RBFOX1: variants seen among roughly 807,000 people sequenced by gnomAD.
RBFOX1 encodes RNA binding protein fox-1 homolog 1.
Under a neutral mutation model 57.7 loss-of-function variants are expected in RBFOX1, and 8 were observed. The observed-to-expected ratio is 0.14, with a 90% CI of 0.08 to 0.25. The LOEUF (loss-of-function observed/expected upper bound fraction) is 0.25, where lower values mean the gene tolerates loss of function less well. RBFOX1 is among the 10% of genes least tolerant of loss of function. The probability of loss-of-function intolerance (pLI) is 1.00; values close to 1 mark genes in which losing one functional copy is unlikely to be tolerated. For synonymous variants in RBFOX1, 326 were observed against 222.4 expected (o/e 1.47, Z -4.15); for missense variants, 611 against 548.5 (o/e 1.11, Z -1.14).
chr16:6,418,148 G>A (rs2093676490), intron 2 of RBFOX1, among the ~76,000 whole-genome samples: 1 of 152,144 alleles, frequency 6.6e-6, no homozygotes, highest in African/African-American at 2.4e-5. Flanking sequence ...CATGGTTTAT[G>A]CCATTTAACC....
intron 2 of RBFOX1, among the ~76,000 whole-genome samples, chr16:6,622,143 A>ATCATTCAATATC (rs1457743488): frequency 2.0e-5 from 3 of 152,166 alleles, no homozygotes; most frequent in Non-Finnish European, 2.9e-5. Context: ...TTCCTTAAGT[A>ATCATTCAATATC]CTTTATTGAA....
chr16:7,080,743 C>A (rs193269727), intron 4 of RBFOX1, among the ~76,000 whole-genome samples: 2 of 152,232 alleles, frequency 1.3e-5, no homozygotes, highest in East Asian at 1.9e-4. Context: ...ATAGTTCAAC[C>A]CTCTCCATCT....
chr16:6,917,059 C>T (rs984659893), intron 3 of RBFOX1, among the ~76,000 whole-genome samples: 3 of 152,126 alleles, frequency 2.0e-5, no homozygotes, highest in Non-Finnish European at 4.4e-5. Context: ...TGTTGTTGGA[C>T]AGGCTAGTCC....
chr16:6,845,930 C>G (rs1412581578), intron 3 of RBFOX1, among the ~76,000 whole-genome samples: 1 of 152,180 alleles, frequency 6.6e-6, no homozygotes, highest in African/African-American at 2.4e-5. Flanking sequence ...CAAATCTCAA[C>G]CTGCCATGGA....
chr16:7,428,840 G>A (rs982917996), intron 4 of RBFOX1, among the ~76,000 whole-genome samples: 3 of 151,962 alleles, frequency 2.0e-5, no homozygotes, highest in Admixed American at 6.6e-5. Context: ...TTTATAATGG[G>A]AATAATGATA....
At chr16:7,129,856 G>A (rs1358447315) in intron 4 of RBFOX1, among the ~76,000 whole-genome samples, 3 of 150,552 alleles carry the variant, frequency 2.0e-5, no homozygotes, top group Non-Finnish European at 4.4e-5. Flanking sequence ...GTGGGTGGGT[G>A]CATGGATAGA....
chr16:7,499,946 A>G (rs1302948813), intron 4 of RBFOX1, among the ~76,000 whole-genome samples: 1 of 152,076 alleles, frequency 6.6e-6, no homozygotes, highest in African/African-American at 2.4e-5. Context: ...TGATTTACCA[A>G]TAAGGGAAAC....
At chr16:6,857,226 C>T (rs911830612) in intron 3 of RBFOX1, among the ~76,000 whole-genome samples, 3 of 152,132 alleles carry the variant, frequency 2.0e-5, no homozygotes, top group African/African-American at 4.8e-5. Context: ...ATATATAAAT[C>T]ATATTACACA....
intron 4 of RBFOX1, among the ~76,000 whole-genome samples, chr16:7,507,050 T>C (rs1321703816): frequency 6.6e-6 from 1 of 152,200 alleles, no homozygotes; most frequent in Non-Finnish European, 1.5e-5. Flanking sequence ...TTACTATTTA[T>C]ATTTTATGAA....
At chr16:5,955,035 C>G (rs1354440858) in intron 4 of RBFOX1, among the ~76,000 whole-genome samples, 2 of 143,722 alleles carry the variant, frequency 1.4e-5, no homozygotes, top group Non-Finnish European at 3.0e-5. Context: ...AATCCCAGCA[C>G]TTGCGGAGGC....
intron 3 of RBFOX1, among the ~76,000 whole-genome samples, chr16:6,701,357 C>T (rs1237714324): frequency 1.3e-5 from 2 of 152,200 alleles, no homozygotes; most frequent in Non-Finnish European, 2.9e-5. Context: ...ATGCATCTCC[C>T]TGTTTACCAT....
At chr16:6,054,814 ACT>A (rs1422330052) in intron 1 of RBFOX1, among the ~76,000 whole-genome samples, 3 of 151,876 alleles carry the variant, frequency 2.0e-5, no homozygotes, top group Non-Finnish European at 4.4e-5. Context: ...ACAGAGTCTC[ACT>A]CTGTTACCTG....
At chr16:6,940,236 C>T (rs1220859400) in intron 3 of RBFOX1, among the ~76,000 whole-genome samples, 2 of 152,092 alleles carry the variant, frequency 1.3e-5, no homozygotes, top group Admixed American at 6.6e-5. Flanking sequence ...AGGTAGGTTA[C>T]CTCTGGCTAT....
At chr16:5,650,149 A>T (rs896425477) in intron 3 of RBFOX1, among the ~76,000 whole-genome samples, 1 of 152,206 alleles carries the variant, frequency 6.6e-6, no homozygotes, top group East Asian at 1.9e-4. Flanking sequence ...AACAGCCTCC[A>T]GCCCCCACCC....
intron 1 of RBFOX1, chr16:5,289,389 A>G (rs2063480399): frequency 2.6e-6 from 1 of 377,712 alleles, no homozygotes; most frequent in Non-Finnish European, 5.1e-6. Context: ...GAGGGCCCCC[A>G]TATGGGGTGC....
intron 5 of RBFOX1, among the ~76,000 whole-genome samples, chr16:7,566,063 T>G (rs2091614451): frequency 6.6e-6 from 1 of 152,178 alleles, no homozygotes; most frequent in South Asian, 2.1e-4. Flanking sequence ...TGATACAGTG[T>G]TTATCCACGG....
At chr16:6,750,474 G>C (rs1295440862) in intron 3 of RBFOX1, among the ~76,000 whole-genome samples, 1 of 152,192 alleles carries the variant, frequency 6.6e-6, no homozygotes, top group Non-Finnish European at 1.5e-5. Flanking sequence ...TAAAATTCAA[G>C]TTTAATATTT....
intron 3 of RBFOX1, among the ~76,000 whole-genome samples, chr16:6,666,447 G>A (rs2098733302): frequency 6.6e-6 from 1 of 151,382 alleles, no homozygotes; most frequent in Non-Finnish European, 1.5e-5. Flanking sequence ...AGCTGAGTTA[G>A]GAGAATCACT....
Position 6,019,270 on chromosome 16 carries a change from T to G in RBFOX1, c.-849T>G, listed in dbSNP as rs2095023552. 1.2e-5 allele frequency: 12 copies of G among 985,024 alleles called. No homozygotes were observed. The highest frequency in any genetic ancestry group is 1.3e-5 in the Non-Finnish European group (11 of 829,950). The allele number at this position is 985,024 out of a possible 1,614,324, so 61.0% of individuals were successfully genotyped here. A position where few individuals can be genotyped will look rare whatever the true frequency, so the allele number is the denominator to read the frequency against. ...CCCTCGATCACCCCAGCCCCCTTCC[T>G]GGTCTCCCGAGCGCGGGGTTTGAAG... On this transcript the variant is annotated 5_prime_UTR_variant, in exon 1 of 16. Coordinates refer to ENST00000550418, the MANE Select transcript of RBFOX1 (RefSeq NM_018723.4). This position sits in a 1 kb window ranked among gnomAD's most constrained non-coding sequence, Gnocchi z 4.2.
Sources: allele counts gnomAD v4.1 joint callset (sites outside exome capture counted in the v4.1 genomes callset), GRCh38; gene constraint gnomAD v4.1.1; non-coding constraint Gnocchi (gnomAD v3.1); transcripts MANE v1.5; gene names NCBI Gene and HGNC (gene_info 2026-07-23, HGNC 2026-07-21).